MAN2A1: variants seen among roughly 807,000 people sequenced by gnomAD.
MAN2A1 encodes the protein alpha-mannosidase 2.
MAN2A1 carries 76 observed loss-of-function variants against 142.6 expected under a neutral mutation model. That is an observed-to-expected ratio of 0.53 (90% CI 0.44 to 0.65). The LOEUF is 0.65. Among genes scored for constraint, MAN2A1 ranks in the 30% least tolerant of loss-of-function variants. The probability of loss-of-function intolerance (pLI) is 0.00; values close to 1 mark genes in which losing one functional copy is unlikely to be tolerated. For missense variants in MAN2A1, 1,311 were observed against 1,365.1 expected (o/e 0.96, Z 0.62); for synonymous variants, 559 against 473.2 (o/e 1.18, Z -2.35).
chr5:109,734,477 G>A (rs1287212890), intron 4 of MAN2A1, among the ~76,000 whole-genome samples: 1 of 151,906 alleles, frequency 6.6e-6, no homozygotes, highest in Non-Finnish European at 1.5e-5. Context: ...TGTCAATTTT[G>A]GATCTTTCCT....
intron 16 of MAN2A1, among the ~76,000 whole-genome samples, chr5:109,836,452 G>A (rs1231636699): frequency 2.0e-5 from 3 of 152,164 alleles, no homozygotes; most frequent in Non-Finnish European, 2.9e-5. Flanking sequence ...GAGGGAGCAC[G>A]CTTTTTGGTT....
At chr5:109,692,614 G>A (rs1750703082) in intron 1 of MAN2A1, among the ~76,000 whole-genome samples, 1 of 152,194 alleles carries the variant, frequency 6.6e-6, no homozygotes, top group Non-Finnish European at 1.5e-5. Context: ...TGAACAGGTA[G>A]CCTTTGTAGC....
intron 3 of MAN2A1, among the ~76,000 whole-genome samples, chr5:109,726,165 T>C (rs1396276064): frequency 6.6e-6 from 1 of 152,200 alleles, no homozygotes; most frequent in African/African-American, 2.4e-5. Flanking sequence ...GTAAATCAGT[T>C]TGCAACTCAG....
At chr5:109,779,952 G>C (rs945127357) in intron 8 of MAN2A1, among the ~76,000 whole-genome samples, 3 of 152,072 alleles carry the variant, frequency 2.0e-5, no homozygotes, top group Non-Finnish European at 4.4e-5. Flanking sequence ...ACTTATATTT[G>C]CCTTATCAGT....
At chr5:109,768,782 A>G (rs1369231577) in intron 6 of MAN2A1, among the ~76,000 whole-genome samples, 1 of 152,198 alleles carries the variant, frequency 6.6e-6, no homozygotes, top group East Asian at 1.9e-4. Flanking sequence ...GAGAACAAGA[A>G]CTTGTAGGGG....
chr5:109,843,376 C>G (rs1333102170), intron 17 of MAN2A1, among the ~76,000 whole-genome samples: 1 of 152,110 alleles, frequency 6.6e-6, no homozygotes, highest in African/African-American at 2.4e-5. Context: ...GGGAACCACC[C>G]CCATGATCTA....
chr5:109,843,334 G>A (rs1755261999), intron 17 of MAN2A1, among the ~76,000 whole-genome samples: 1 of 152,074 alleles, frequency 6.6e-6, no homozygotes, highest in Non-Finnish European at 1.5e-5. Context: ...GATCTTGTGA[G>A]ATCTCCCTCA....
chr5:109,742,695 A>G (rs1239472091), intron 4 of MAN2A1, among the ~76,000 whole-genome samples: 1 of 152,202 alleles, frequency 6.6e-6, no homozygotes, highest in Middle Eastern at 3.2e-3. Context: ...AAATTTATAG[A>G]GCAATGGGAA....
At chr5:109,731,511 C>T (rs1473622863) in intron 4 of MAN2A1, among the ~76,000 whole-genome samples, 1 of 100,590 alleles carries the variant, frequency 9.9e-6, no homozygotes, top group Non-Finnish European at 1.9e-5. Context: ...TCCCTCCCCC[C>T]TCCCCCAACC....
chr5:109,753,723 G>T (rs1752607103), intron 4 of MAN2A1, among the ~76,000 whole-genome samples: 1 of 151,982 alleles, frequency 6.6e-6, no homozygotes, highest in Admixed American at 6.6e-5. Flanking sequence ...CTGTGCCTCT[G>T]GTCTGCTTCA....
intron 11 of MAN2A1, 24 bp downstream of exon 11, chr5:109,789,072 T>C (rs1287409595): frequency 6.7e-6 from 8 of 1,194,716 alleles, no homozygotes; most frequent in African/African-American, 3.0e-5. Context: ...TCTATGGTCA[T>C]CATAAAAATG....
intron 1 of MAN2A1, among the ~76,000 whole-genome samples, chr5:109,704,351 T>C (rs1424805868): frequency 1.3e-5 from 2 of 152,248 alleles, no homozygotes; most frequent in African/African-American, 2.4e-5. Flanking sequence ...TACGTATTTT[T>C]TGTGCTCACA....
At chr5:109,690,894 G>C (rs1487199639) in intron 1 of MAN2A1, among the ~76,000 whole-genome samples, 1 of 152,098 alleles carries the variant, frequency 6.6e-6, no homozygotes, top group African/African-American at 2.4e-5. Context: ...CCGCCAGCCC[G>C]GGGCCCGCGT....
At chr5:109,735,885 T>TTG (rs1228823608) in intron 4 of MAN2A1, among the ~76,000 whole-genome samples, 5 of 148,318 alleles carry the variant, frequency 3.4e-5, no homozygotes, top group Non-Finnish European at 7.4e-5. Context: ...GGAGTTTTTT[T>TTG]TTTTTTTTTT....
At chr5:109,807,232 C>G (rs57141389) in intron 12 of MAN2A1, among the ~76,000 whole-genome samples, 8,202 of 152,180 alleles carry the variant, frequency 0.054, 713 homozygotes, top group African/African-American at 0.18. Context: ...CTTTGCCCAC[C>G]TCCATCCTGT....
At chr5:109,745,593 A>G (rs1752378626) in intron 4 of MAN2A1, among the ~76,000 whole-genome samples, 1 of 152,112 alleles carries the variant, frequency 6.6e-6, no homozygotes, top group Non-Finnish European at 1.5e-5. Flanking sequence ...GAACCATATG[A>G]GAAATTTATT....
In MAN2A1 at chr5:109,781,587, A is replaced by G; in HGVS notation, c.1566A>G (p.Glu522=). The G allele has an allele frequency of 6.3e-7, 1 of 1,595,854 alleles. No homozygotes were observed. Among genetic ancestry groups the G allele is most frequent in the South Asian group, 1.2e-5 (1 of 86,890 alleles). The change falls in exon 9 of 22, where the codon GAA becomes GAG. Residue 522 remains glutamate, a synonymous_variant. Coordinates refer to ENST00000261483, the MANE Select transcript of MAN2A1 (RefSeq NM_002372.4). ...ACAAACGAATGGACAGAATCATGGAATCTCATTTAAGGTACTTTTACCTTT... is the reference window on the plus strand; with the variant it reads ...ACAAACGAATGGACAGAATCATGGAGTCTCATTTAAGGTACTTTTACCTTT... ...PFYKRMDRIM[E]SHLRAAEILY...
intron 12 of MAN2A1, among the ~76,000 whole-genome samples, chr5:109,795,533 A>C (rs1411638732): frequency 6.6e-6 from 1 of 152,316 alleles, no homozygotes; most frequent in East Asian, 1.9e-4. Flanking sequence ...TTGGCTTGAC[A>C]GTCAGTGTAT....
chr5:109,864,169 G>A (rs1755823218), intron 20 of MAN2A1: 1 of 152,188 alleles, frequency 6.6e-6, no homozygotes, highest in African/African-American at 2.4e-5. Context: ...TGTCAGTGCT[G>A]AGCAGCACAT....
Sources: allele counts gnomAD v4.1 joint callset (sites outside exome capture counted in the v4.1 genomes callset), GRCh38; gene constraint gnomAD v4.1.1; transcripts MANE v1.5; gene names NCBI Gene and HGNC (gene_info 2026-07-23, HGNC 2026-07-21).